STK26: variants seen among roughly 807,000 people sequenced by gnomAD.
STK26 encodes the protein serine/threonine kinase 26, also known as serine/threonine-protein kinase 26.
Under a neutral mutation model 34.7 loss-of-function variants are expected in STK26, and 14 were observed. The ratio of observed to expected loss-of-function variants is 0.40; its 90% CI spans 0.27 to 0.63. The LOEUF (loss-of-function observed/expected upper bound fraction) is 0.63. Ranked by LOEUF, STK26 falls within the 30% of genes least tolerant of loss-of-function variation. STK26 has a pLI of 0.38. For synonymous variants in STK26, 100 were observed against 109.8 expected, an observed-to-expected ratio of 0.91 and a Z score of 0.56; for missense variants, 226 against 309.1, an observed-to-expected ratio of 0.73 and a Z score of 2.02.
intron 2 of STK26, among the ~76,000 whole-genome samples, chrX:132,044,817 ATT>A (rs1926436568): frequency 2.0e-5 from 1 of 51,083 alleles, no homozygotes; most frequent in African/African-American, 8.9e-5. Flanking sequence ...CTATATATAT[ATT>A]TATATATATA....
chrX:132,023,555 A>G lies in STK26; in HGVS notation c.-63A>G. Reference sequence around the variant, plus strand: ...GGGCCGCCGAACTACCCCCGGAGGGAGGAGCCAGTCCGAACCCAAGGCGCC... The same window carrying G: ...GGGCCGCCGAACTACCCCCGGAGGGGGGAGCCAGTCCGAACCCAAGGCGCC... On this transcript the variant is annotated 5_prime_UTR_variant, in exon 2 of 12. Coordinates refer to ENST00000394334, the MANE Select transcript of STK26 (RefSeq NM_016542.4). 1 of 1,148,635 alleles carries G rather than the reference A, an allele frequency of 8.7e-7. No individual in the cohort carries two copies. The highest frequency in any genetic ancestry group is 1.2e-6 in the Non-Finnish European group (1 of 856,328). 94.7% of individuals were successfully genotyped at this position (1,148,635 alleles called of 1,213,427 possible).
chrX:132,055,945 T>C (rs751971087), intron 3 of STK26, among the ~76,000 whole-genome samples: 8 of 112,557 alleles, frequency 7.1e-5, no homozygotes, highest in Non-Finnish European at 1.5e-4. Flanking sequence ...CTATTGACAC[T>C]TTATTGTATT....
At chrX:132,028,252 A>G (rs1471070086) in intron 2 of STK26, among the ~76,000 whole-genome samples, 1 of 109,885 alleles carries the variant, frequency 9.1e-6, no homozygotes, top group African/African-American at 3.3e-5. Context: ...GTTTAGTACT[A>G]TGAAGAAAAA....
At chrX:132,039,011 G>A (rs887001450) in intron 2 of STK26, among the ~76,000 whole-genome samples, 1 of 110,902 alleles carries the variant, frequency 9.0e-6, no homozygotes, top group African/African-American at 3.3e-5. Context: ...ATGTCTTTAT[G>A]CTTAAAACAA....
At chrX:132,037,415 G>A (rs1237595371) in intron 2 of STK26, among the ~76,000 whole-genome samples, 2 of 111,820 alleles carry the variant, frequency 1.8e-5, no homozygotes, top group Non-Finnish European at 3.8e-5. Flanking sequence ...CCAATATTAA[G>A]CAGTTTTAGC....
intron 2 of STK26, among the ~76,000 whole-genome samples, chrX:132,030,233 T>C (rs1441553326): frequency 8.9e-6 from 1 of 111,778 alleles, no homozygotes; most frequent in East Asian, 2.8e-4. Flanking sequence ...CCACAGACTT[T>C]GAGAGAAAAA....
rs763503839 is a variant in STK26, at chrX:132,063,732, C to A, written c.330+243C>A. ...TGCAAATAGCTTAATAAAATAAAGT[C>A]TCCCAAATTAGAAGGGGATGTGTGT... On this transcript the variant is annotated intron_variant, in intron 4 of 11. Coordinates refer to ENST00000394334, the MANE Select transcript of STK26 (RefSeq NM_016542.4). Among the ~76,000 whole-genome samples the A allele has an allele frequency of 4.5e-5, 5 of 112,004 alleles. No individual in the cohort carries two copies. The East Asian group carries it at 1.1e-3, about 25-fold the overall frequency.
At chrX:132,066,140 A>G (rs1265321779) in intron 4 of STK26, among the ~76,000 whole-genome samples, 1 of 111,579 alleles carries the variant, frequency 9.0e-6, no homozygotes, top group Non-Finnish European at 1.9e-5. Flanking sequence ...ACCTTGAGTC[A>G]CTCCCATTCT....
At chrX:132,028,031 G>T (rs865795309) in intron 2 of STK26, among the ~76,000 whole-genome samples, 12 of 78,306 alleles carry the variant, frequency 1.5e-4, no homozygotes, top group African/African-American at 4.4e-4. Flanking sequence ...AATTTTTATG[G>T]TTTTTTTTTT....
chrX:132,024,555 T>G (rs1024816094), intron 2 of STK26, among the ~76,000 whole-genome samples: 9 of 112,036 alleles, frequency 8.0e-5, no homozygotes, highest in Non-Finnish European at 9.4e-5. Flanking sequence ...GTTCTATTTT[T>G]TTTTCCTTTG....
At chrX:132,069,693 G>T (rs752950113) in intron 7 of STK26, 30 bp downstream of exon 7, 2 of 947,286 alleles carry the variant, frequency 2.1e-6, no homozygotes, top group Non-Finnish European at 1.4e-6. Context: ...ATTACTATTT[G>T]TTTTCTATTA....
intron 3 of STK26, among the ~76,000 whole-genome samples, chrX:132,058,946 C>T (rs1411477502): frequency 9.0e-6 from 1 of 110,668 alleles, no homozygotes; most frequent in East Asian, 2.8e-4. Flanking sequence ...TATGTATATA[C>T]ACACAGAGAA....
chrX:132,032,390 C>T (rs1028833131), intron 2 of STK26, among the ~76,000 whole-genome samples: 6 of 112,006 alleles, frequency 5.4e-5, no homozygotes, highest in Non-Finnish European at 1.1e-4. Context: ...TTCACTTTCT[C>T]TTTTTTGGTC....
chrX:132,060,383 G>A (rs1432059304), intron 3 of STK26, among the ~76,000 whole-genome samples: 1 of 111,126 alleles, frequency 9.0e-6, no homozygotes, highest in Non-Finnish European at 1.9e-5. Flanking sequence ...GGAGGAAAAT[G>A]ACTCAGAAGT....
intron 2 of STK26, among the ~76,000 whole-genome samples, chrX:132,039,568 C>T (rs112077168): frequency 0.015 from 1,692 of 111,447 alleles, 11 homozygotes; most frequent in Non-Finnish European, 0.025. Context: ...ACAGCATACA[C>T]GCAACATTTT....
chrX:132,027,721 A>C (rs1403359534), intron 2 of STK26, among the ~76,000 whole-genome samples: 2 of 111,993 alleles, frequency 1.8e-5, no homozygotes, highest in South Asian at 3.7e-4. Context: ...TGAACTAGCC[A>C]TTAAACATTT....
rs186171275 is a variant in STK26 at position 132,041,895 on chromosome X, A to G, written c.43-12736A>G. 1.4e-3 allele frequency among the ~76,000 whole-genome samples: 153 copies of G among 112,100 alleles called. 1 individual carries two copies. Among genetic ancestry groups the G allele is most frequent in the African/African-American group, 4.8e-3 (148 of 30,966 alleles). On this transcript the variant is annotated intron_variant, in intron 2 of 11. Coordinates refer to ENST00000394334, the MANE Select transcript of STK26 (RefSeq NM_016542.4). The stretch of plus-strand genomic sequence containing the variant: ...AACTAATATAATGCTTTATATTTAT[A>G]TTAGCAAAAATTAACTTAGTCATAT...
chrX:132,049,554 A>G (rs1295225450), intron 2 of STK26, among the ~76,000 whole-genome samples: 2 of 112,051 alleles, frequency 1.8e-5, no homozygotes, highest in Non-Finnish European at 1.9e-5. Context: ...TGATCAATTT[A>G]AACAGGTAGC....
At chrX:132,031,663 G>A (rs1925844679) in intron 2 of STK26, among the ~76,000 whole-genome samples, 1 of 112,120 alleles carries the variant, frequency 8.9e-6, no homozygotes, top group African/African-American at 3.2e-5. Flanking sequence ...ACTGTCTTGT[G>A]TATACATACC....
Sources: gnomAD v4.1 joint callset for allele counts (sites outside exome capture counted in the v4.1 genomes callset) on GRCh38, gnomAD v4.1.1 for gene constraint, MANE v1.5 for transcripts, NCBI Gene and HGNC (gene_info 2026-07-23, HGNC 2026-07-21) for gene names.